The following COL25A1 variants were observed in gnomAD, a reference collection of about 807,000 sequenced individuals.
COL25A1 encodes the protein collagen type XXV alpha 1 chain.
A neutral mutation model predicts 128.4 loss-of-function variants in COL25A1; 103 were observed. The ratio of observed to expected loss-of-function variants is 0.80; its 90% CI spans 0.68 to 0.94. The LOEUF is 0.94. COL25A1 is among the 40% of genes least tolerant of loss of function. COL25A1 has a pLI of 0.00. For missense variants in COL25A1, 745 were observed against 840.0 expected, an observed-to-expected ratio of 0.89 and a Z score of 1.40; for synonymous variants, 279 against 277.2, an observed-to-expected ratio of 1.01 and a Z score of -0.06.
intron 31 of COL25A1, among the ~76,000 whole-genome samples, chr4:108,839,767 G>T (rs6845669): frequency 0.48 from 72,630 of 152,066 alleles, 19,017 homozygotes; most frequent in South Asian, 0.67. Context: ...TGAAACTTAT[G>T]ATTTAAGTAA....
intron 3 of COL25A1, among the ~76,000 whole-genome samples, chr4:109,244,160 G>GT (rs5860974): frequency 0.5 from 74,375 of 149,930 alleles, 21,627 homozygotes; most frequent in African/African-American, 0.79. Flanking sequence ...AAAAAGCATG[G>GT]TTTTTTTCAT....
intron 5 of COL25A1, among the ~76,000 whole-genome samples, chr4:109,041,346 C>G (rs1019580236): frequency 6.7e-6 from 1 of 150,266 alleles, no homozygotes; most frequent in African/African-American, 2.5e-5. Context: ...ACAGACCACC[C>G]TTTAAATTTA....
Position 109,042,917 on chromosome 4 carries a change from C to G in COL25A1, c.420+5251G>C, listed in dbSNP as rs1760058475. ...CAAATAACTAACAGCTTAATATGAA[C>G]CATACACGATGAGGATAGGATAAGA... On this transcript the variant is annotated intron_variant, in intron 5 of 37. Transcript: ENST00000399132. 3.3e-5 allele frequency among the ~76,000 whole-genome samples: 5 copies of G among 151,994 alleles called. 1 individual carries two copies. The South Asian group carries it at 1.0e-3, about 31-fold the overall frequency.
At chr4:108,997,329 G>C (rs924557347) in intron 6 of COL25A1, among the ~76,000 whole-genome samples, 1 of 152,170 alleles carries the variant, frequency 6.6e-6, no homozygotes, top group Admixed American at 6.5e-5. Context: ...ACTACCATCA[G>C]AGAATACTAT....
intron 3 of COL25A1, among the ~76,000 whole-genome samples, chr4:109,078,178 A>C (rs930651705): frequency 1.3e-5 from 2 of 152,188 alleles, no homozygotes; most frequent in African/African-American, 4.8e-5. Flanking sequence ...TCAAAACAAC[A>C]CTGGAATAAC....
At chr4:108,875,382 C>G (rs912205449) in intron 19 of COL25A1, among the ~76,000 whole-genome samples, 2 of 152,032 alleles carry the variant, frequency 1.3e-5, no homozygotes, top group Non-Finnish European at 2.9e-5. Context: ...ACAAATAACC[C>G]CATCAAAAAG....
In COL25A1 at chr4:108,918,320, G is replaced by A. The variant is rs1745103316; in HGVS notation, c.736-104C>T. The A allele has an allele frequency of 5.3e-6, 4 of 756,938 alleles. No individual in the cohort carries two copies. The South Asian group carries it at 1.1e-4, about 21-fold the overall frequency. 46.9% of individuals were successfully genotyped at this position (756,938 alleles called of 1,614,324 possible). ...GTAAGCCTTGCTAAAACATTTCTAG[G>A]AAGTCTTATTTTTCAGACCTTATCC... On this transcript the variant is annotated intron_variant, in intron 12 of 37. Transcript: ENST00000399132.
chr4:108,979,942 T>C (rs1752802209), intron 6 of COL25A1, among the ~76,000 whole-genome samples: 1 of 151,918 alleles, frequency 6.6e-6, no homozygotes, highest in Admixed American at 6.6e-5. Context: ...AGTAAGGCGA[T>C]GGAAGATGGA....
chr4:108,833,578 G>A (rs1045534678), intron 31 of COL25A1, among the ~76,000 whole-genome samples: 1 of 152,126 alleles, frequency 6.6e-6, no homozygotes, highest in African/African-American at 2.4e-5. Context: ...ATAAAAAATT[G>A]ATTATAATAT....
chr4:109,185,680 T>C (rs1324042530), intron 3 of COL25A1, among the ~76,000 whole-genome samples: 2 of 152,212 alleles, frequency 1.3e-5, no homozygotes, highest in Non-Finnish European at 2.9e-5. Flanking sequence ...GCAATAATTA[T>C]GGTTAAATGA....
chr4:109,101,913 C>T lies in COL25A1; in HGVS notation c.368-51734G>A, dbSNP rs567352442. 3.3e-4 allele frequency among the ~76,000 whole-genome samples: 51 copies of T among 152,242 alleles called. 1 individual carries two copies. The highest frequency in any genetic ancestry group is 5.3e-4 in the Non-Finnish European group (36 of 68,016). ...ACTCACAACCAAGAGTTTAATGAAC[C>T]CCATTCCATAAATAAATAGCCCACT... On this transcript the variant is annotated intron_variant, in intron 3 of 37. Coordinates refer to ENST00000399132, the MANE Select transcript of COL25A1 (RefSeq NM_198721.4).
chr4:108,867,191 T>G (rs1303434128), intron 20 of COL25A1, among the ~76,000 whole-genome samples: 2 of 152,202 alleles, frequency 1.3e-5, no homozygotes, highest in Non-Finnish European at 2.9e-5. Flanking sequence ...TTTTTCTATT[T>G]TCCCTTGCAC....
rs193267921 is a variant in COL25A1, at chr4:109,060,396, C to T, written c.368-10217G>A. On this transcript the variant is annotated intron_variant, in intron 3 of 37. Coordinates refer to ENST00000399132, the MANE Select transcript of COL25A1 (RefSeq NM_198721.4). ...CAATTCTTCCATGGCCCCCTTGACC[C>T]CCACCTCATTGCCCTCTTGCTATGT... 3.0e-3 allele frequency among the ~76,000 whole-genome samples: 458 copies of T among 152,256 alleles called. 2 individuals are homozygous for T. The highest frequency in any genetic ancestry group is 5.3e-3 in the Non-Finnish European group (362 of 68,028).
Position 109,286,870 on chromosome 4 carries a change from T to C in COL25A1, c.367+13713A>G, listed in dbSNP as rs188811535. ...GAGATTCTGCCTTCGCTAGAAAACA[T>C]GACCACAGAGTCTGATCCAACATTT... On this transcript the variant is annotated intron_variant, in intron 3 of 37. Transcript: ENST00000399132. Among the ~76,000 whole-genome samples, 18 of 152,306 alleles carry C rather than the reference T, an allele frequency of 1.2e-4. No homozygotes were observed. In the East Asian group the frequency reaches 3.5e-3, roughly 29 times the overall value.
chr4:108,934,155 T>G (rs1747120178), intron 11 of COL25A1, among the ~76,000 whole-genome samples: 1 of 151,900 alleles, frequency 6.6e-6, no homozygotes, highest in Non-Finnish European at 1.5e-5. Context: ...TATGCAGCCA[T>G]AAAAAAGGAT....
In COL25A1 at chr4:108,963,659, C is replaced by G. The variant is rs113431912; in HGVS notation, c.492+10708G>C. Among the ~76,000 whole-genome samples the G allele has an allele frequency of 2.6e-3, 395 of 152,024 alleles. 1 individual carries two copies. Among genetic ancestry groups the G allele is most frequent in the African/African-American group, 8.7e-3 (361 of 41,498 alleles). On this transcript the variant is annotated intron_variant, in intron 8 of 37. Transcript: ENST00000399132. ...TTAAATATAAGACAAAGAATAAAACCTTCCGTATAGTTTCATGTTTGAGAG... is the reference window on the plus strand; with the variant it reads ...TTAAATATAAGACAAAGAATAAAACGTTCCGTATAGTTTCATGTTTGAGAG...
In COL25A1 at chr4:108,831,162, G is replaced by GT. The variant is rs72007836; in HGVS notation, c.1710+1217dup. ...CTCTTCTAGGTCAGGAAGAATAGCT[G>GT]TTTTTTTTGCAGCATTCAGTATATA... On this transcript the variant is annotated intron_variant, in intron 32 of 37. Coordinates refer to ENST00000399132, the MANE Select transcript of COL25A1 (RefSeq NM_198721.4). 8.1e-3 allele frequency among the ~76,000 whole-genome samples: 1,222 copies of GT among 150,740 alleles called. 7 individuals carry two copies. Among genetic ancestry groups the GT allele is most frequent in the African/African-American group, 0.012 (476 of 41,080 alleles).
At chr4:109,240,875 C>A (rs557391244) in intron 3 of COL25A1, among the ~76,000 whole-genome samples, 7 of 152,162 alleles carry the variant, frequency 4.6e-5, no homozygotes, top group African/African-American at 1.7e-4. Flanking sequence ...TTACTGTGAT[C>A]TCTTGTACAC....
chr4:109,101,127 G>A (rs1414813772), intron 3 of COL25A1, among the ~76,000 whole-genome samples: 3 of 147,694 alleles, frequency 2.0e-5, no homozygotes, highest in Non-Finnish European at 4.5e-5. Context: ...AGTGTGATGA[G>A]AGTATTATTG....
Sources: gnomAD v4.1 joint callset for allele counts (sites outside exome capture counted in the v4.1 genomes callset) on GRCh38, gnomAD v4.1.1 for gene constraint, MANE v1.5 for transcripts, NCBI Gene and HGNC (gene_info 2026-07-23, HGNC 2026-07-21) for gene names.